GRID2: variants seen among roughly 807,000 people sequenced by gnomAD.
GRID2 encodes glutamate receptor ionotropic, delta-2.
Under a neutral mutation model 114.8 loss-of-function variants are expected in GRID2, and 33 were observed. The observed-to-expected ratio is 0.29, with a 90% CI of 0.22 to 0.38. The LOEUF is 0.38. Ranked by LOEUF, GRID2 falls within the 10% of genes least tolerant of loss-of-function variation. The pLI is 1.00. For synonymous variants in GRID2, 505 were observed against 449.9 expected, an observed-to-expected ratio of 1.12 and a Z score of -1.55; for missense variants, 1,184 against 1,257.7, an observed-to-expected ratio of 0.94 and a Z score of 0.89.
rs1320406826 is a variant in GRID2, at chr4:93,224,485, T to C, written c.964-129T>C. ...GCCCAGGAAATGACAAAAGAAACCT[T>C]CTGCTTAATAACCCAGTAAACCAGC... On this transcript the variant is annotated intron_variant, in intron 6 of 15. Coordinates refer to ENST00000282020, the MANE Select transcript of GRID2 (RefSeq NM_001510.4). The C allele has an allele frequency of 7.1e-6, 4 of 560,122 alleles. No individual in the cohort carries two copies. The Admixed American group carries it at 1.0e-4, about 14-fold the overall frequency. The allele number at this position is 560,122 out of a possible 1,614,324, so 34.7% of individuals were successfully genotyped here. A position where few individuals can be genotyped will look rare whatever the true frequency, so the allele number is the denominator to read the frequency against.
At chr4:92,457,435 A>C (rs1377676321) in intron 1 of GRID2, among the ~76,000 whole-genome samples, 2 of 152,190 alleles carry the variant, frequency 1.3e-5, no homozygotes, top group Admixed American at 1.3e-4. Context: ...GTAAATATGT[A>C]TAGAATGAAT....
At position 93,454,287 on chromosome 4, in the gene GRID2, T is replaced by A. The variant is rs947332867; in HGVS notation, c.1546-1375T>A. Among the ~76,000 whole-genome samples the A allele has an allele frequency of 3.3e-5, 5 of 152,154 alleles. 1 individual carries two copies. Among genetic ancestry groups the A allele is most frequent in the African/African-American group, 1.2e-4 (5 of 41,556 alleles). On this transcript the variant is annotated intron_variant, in intron 10 of 15. Coordinates refer to ENST00000282020, the MANE Select transcript of GRID2 (RefSeq NM_001510.4). ...AACCAATTACCCTGAGTGCCTACTA[T>A]ATGGTTCATTTGGAAAATGAATGAT...
chr4:92,863,115 A>G (rs1744642852), intron 2 of GRID2, among the ~76,000 whole-genome samples: 1 of 152,104 alleles, frequency 6.6e-6, no homozygotes. Context: ...GCAGAACTTT[A>G]GAGTTTTTCT....
intron 2 of GRID2, among the ~76,000 whole-genome samples, chr4:92,874,861 A>G (rs1745509890): frequency 6.6e-6 from 1 of 152,226 alleles, no homozygotes; most frequent in Admixed American, 6.5e-5. Context: ...AATTTTAAGT[A>G]TTTCAAACCA....
chr4:93,491,276 C>T (rs1225846813), intron 12 of GRID2, among the ~76,000 whole-genome samples: 1 of 151,818 alleles, frequency 6.6e-6, no homozygotes, highest in Non-Finnish European at 1.5e-5. Flanking sequence ...ATTTCAGTAA[C>T]CACATTCTGT....
intron 2 of GRID2, among the ~76,000 whole-genome samples, chr4:92,837,042 A>G (rs1261095170): frequency 1.3e-5 from 2 of 152,084 alleles, no homozygotes; most frequent in Non-Finnish European, 2.9e-5. Context: ...AATGACTGAG[A>G]CTGTGAGAGT....
intron 2 of GRID2, among the ~76,000 whole-genome samples, chr4:92,692,534 T>C (rs1734226333): frequency 6.6e-6 from 1 of 152,204 alleles, no homozygotes; most frequent in Non-Finnish European, 1.5e-5. Flanking sequence ...TAATATAGCT[T>C]TTTCCATGCT....
chr4:93,006,074 T>A (rs2149223069), intron 2 of GRID2, among the ~76,000 whole-genome samples: 1 of 152,208 alleles, frequency 6.6e-6, no homozygotes, highest in East Asian at 1.9e-4. Flanking sequence ...TCTTAAAATA[T>A]CACCTCTCAC....
intron 2 of GRID2, among the ~76,000 whole-genome samples, chr4:92,945,851 A>G (rs1414445219): frequency 1.4e-5 from 2 of 144,786 alleles, no homozygotes; most frequent in East Asian, 3.9e-4. Flanking sequence ...CTGCCTCCCA[A>G]CCCTCTAAGT....
chr4:92,684,790 G>A (rs1733823901), intron 2 of GRID2, among the ~76,000 whole-genome samples: 1 of 152,050 alleles, frequency 6.6e-6, no homozygotes, highest in Non-Finnish European at 1.5e-5. Flanking sequence ...ATAACATAAT[G>A]TTTGTGGTTG....
rs78701671 is a variant in GRID2 at position 93,375,609 on chromosome 4, G to C, written c.1246-19998G>C. Among the ~76,000 whole-genome samples, 1,201 of 152,168 alleles carry C rather than the reference G, an allele frequency of 7.9e-3. 15 individuals are homozygous for C. Among genetic ancestry groups the C allele is most frequent in the African/African-American group, 0.028 (1,149 of 41,502 alleles). On this transcript the variant is annotated intron_variant, in intron 8 of 15. Coordinates refer to ENST00000282020, the MANE Select transcript of GRID2 (RefSeq NM_001510.4). ...TTTAAGGGAGGAAGCCAGAGCACTT[G>C]CTATTTCACCATCACACTTGTTTGA...
At chr4:93,465,060 T>C (rs554827679) in intron 11 of GRID2, among the ~76,000 whole-genome samples, 2 of 152,326 alleles carry the variant, frequency 1.3e-5, no homozygotes, top group South Asian at 2.1e-4. Flanking sequence ...ATGATGGCTG[T>C]TTTCATGGAG....
chr4:93,299,857 A>T (rs1754686358), intron 8 of GRID2, among the ~76,000 whole-genome samples: 1 of 152,144 alleles, frequency 6.6e-6, no homozygotes, highest in Non-Finnish European at 1.5e-5. Context: ...TTTAAGGCAT[A>T]AGAATACAAG....
At chr4:93,367,256 G>A (rs994127996) in intron 8 of GRID2, among the ~76,000 whole-genome samples, 127 of 147,068 alleles carry the variant, frequency 8.6e-4, no homozygotes, top group African/African-American at 3.1e-3. Context: ...ATTTGGAGGA[G>A]GTGTATCAGA....
chr4:92,718,386 G>T (rs1048413267), intron 2 of GRID2, among the ~76,000 whole-genome samples: 1 of 151,974 alleles, frequency 6.6e-6, no homozygotes, highest in African/African-American at 2.4e-5. Flanking sequence ...AACTCCTTTT[G>T]CTTCAGCTGT....
At chr4:92,477,061 G>GTA (rs1173956967) in intron 1 of GRID2, among the ~76,000 whole-genome samples, 3 of 141,060 alleles carry the variant, frequency 2.1e-5, no homozygotes, top group Non-Finnish European at 4.6e-5. Flanking sequence ...GTGTGTGTGT[G>GTA]TGTGTGTGTG....
intron 2 of GRID2, among the ~76,000 whole-genome samples, chr4:93,026,233 T>G (rs1200589396): frequency 6.6e-6 from 1 of 151,856 alleles, no homozygotes; most frequent in Non-Finnish European, 1.5e-5. Context: ...CATTTCTGCT[T>G]TATTCAAATG....
chr4:92,930,470 C>G (rs1204984343), intron 2 of GRID2, among the ~76,000 whole-genome samples: 1 of 151,018 alleles, frequency 6.6e-6, no homozygotes, highest in Non-Finnish European at 1.5e-5. Flanking sequence ...GCTATACTAC[C>G]TTTTAATTGG....
At chr4:93,234,081 C>T (rs1283032596) in intron 7 of GRID2, among the ~76,000 whole-genome samples, 1 of 152,010 alleles carries the variant, frequency 6.6e-6, no homozygotes, top group East Asian at 1.9e-4. Context: ...TTTAGGAAAA[C>T]ATAATCTGGC....
Sources: gnomAD v4.1 joint callset for allele counts (sites outside exome capture counted in the v4.1 genomes callset) on GRCh38, gnomAD v4.1.1 for gene constraint, MANE v1.5 for transcripts, NCBI Gene and HGNC (gene_info 2026-07-23, HGNC 2026-07-21) for gene names.